The following FHIT variants were observed in gnomAD, a reference collection of about 807,000 sequenced individuals.
FHIT encodes fragile histidine triad diadenosine triphosphatase.
Under a neutral mutation model 17.9 loss-of-function variants are expected in FHIT, and 19 were observed. The ratio of observed to expected loss-of-function variants is 1.06; its 90% CI spans 0.74 to 1.56. The LOEUF is 1.56. FHIT is among the 40% of genes most tolerant of loss of function. The pLI, the probability that FHIT is intolerant of heterozygous loss-of-function variation, is 0.00. For synonymous variants in FHIT, 81 were observed against 69.7 expected (o/e 1.16, Z -0.81); for missense variants, 248 against 189.2 (o/e 1.31, Z -1.82).
intron 5 of FHIT, among the ~76,000 whole-genome samples, chr3:60,058,014 C>T (rs1230867418): frequency 6.6e-6 from 1 of 151,452 alleles, no homozygotes; most frequent in African/African-American, 2.4e-5. Context: ...CTGTGAGGTA[C>T]CTAGAATAGG....
chr3:61,168,428 C>G (rs2037903469), intron 2 of FHIT, among the ~76,000 whole-genome samples: 1 of 152,162 alleles, frequency 6.6e-6, no homozygotes, highest in Non-Finnish European at 1.5e-5. Context: ...ATAAAATGCA[C>G]CTGAAAGAAT....
At chr3:60,028,330 C>T (rs981191580) in intron 5 of FHIT, among the ~76,000 whole-genome samples, 1 of 152,176 alleles carries the variant, frequency 6.6e-6, no homozygotes, top group East Asian at 1.9e-4. Context: ...TTTCAGTTAC[C>T]ATGTCACATT....
In FHIT at chr3:60,481,221, G is replaced by A. The variant is rs113326535; in HGVS notation, c.103+55639C>T. ...TGATTGGAGTACCTGAAGGGGATGG[G>A]AAGAACGGAAACAAGCTGGAAAACA... is the stretch of plus-strand genomic sequence containing the variant. On this transcript the variant is annotated intron_variant, in intron 5 of 9. Coordinates refer to ENST00000492590, the MANE Select transcript of FHIT (RefSeq NM_002012.4). 2.2e-3 allele frequency among the ~76,000 whole-genome samples: 330 copies of A among 152,278 alleles called. 2 individuals are homozygous for A. Among genetic ancestry groups the A allele is most frequent in the African/African-American group, 7.6e-3 (315 of 41,566 alleles).
chr3:60,253,985 A>G (rs1256420515), intron 5 of FHIT, among the ~76,000 whole-genome samples: 1 of 152,142 alleles, frequency 6.6e-6, no homozygotes, highest in African/African-American at 2.4e-5. Flanking sequence ...TCAAACCTAC[A>G]ATTGGTTGCA....
intron 5 of FHIT, among the ~76,000 whole-genome samples, chr3:60,153,125 A>G (rs1225473057): frequency 6.6e-6 from 1 of 152,158 alleles, no homozygotes; most frequent in African/African-American, 2.4e-5. Context: ...CAATTTACCA[A>G]GCACCTTTAT....
At chr3:60,343,628 A>T (rs1710633010) in intron 5 of FHIT, among the ~76,000 whole-genome samples, 1 of 152,178 alleles carries the variant, frequency 6.6e-6, no homozygotes, top group South Asian at 2.1e-4. Context: ...AACCTAATTA[A>T]TAATGTTTCA....
chr3:61,171,628 C>T (rs2038007642), intron 2 of FHIT, among the ~76,000 whole-genome samples: 1 of 152,196 alleles, frequency 6.6e-6, no homozygotes, highest in South Asian at 2.1e-4. Context: ...AACCTCACTA[C>T]TCCCAGCCTG....
chr3:60,335,323 A>T (rs1710181383), intron 5 of FHIT, among the ~76,000 whole-genome samples: 1 of 152,238 alleles, frequency 6.6e-6, no homozygotes, highest in Non-Finnish European at 1.5e-5. Context: ...AATTTTAAGC[A>T]GTAAGTATAT....
At chr3:60,902,270 G>C (rs933816862) in intron 3 of FHIT, among the ~76,000 whole-genome samples, 2 of 152,220 alleles carry the variant, frequency 1.3e-5, no homozygotes, top group African/African-American at 4.8e-5. Flanking sequence ...AACCATTTAT[G>C]TCTGACTTCT....
intron 8 of FHIT, among the ~76,000 whole-genome samples, chr3:59,775,354 C>A (rs1702257759): frequency 6.6e-6 from 1 of 152,150 alleles, no homozygotes; most frequent in South Asian, 2.1e-4. Flanking sequence ...GCCACAGGCT[C>A]CGGCAGATGC....
At chr3:60,380,139 C>T (rs1700736599) in intron 5 of FHIT, among the ~76,000 whole-genome samples, 2 of 152,110 alleles carry the variant, frequency 1.3e-5, no homozygotes, top group African/African-American at 4.8e-5. Flanking sequence ...ATGTGATCCC[C>T]AAAGTTGGAG....
chr3:60,732,780 G>C (rs967961401), intron 4 of FHIT: 1 of 253,858 alleles, frequency 3.9e-6, no homozygotes, highest in Middle Eastern at 1.5e-3. Context: ...TCCACCTTCC[G>C]GGTTCAAGTG....
At chr3:59,917,541 A>G (rs1705190554) in intron 8 of FHIT, among the ~76,000 whole-genome samples, 1 of 152,220 alleles carries the variant, frequency 6.6e-6, no homozygotes, top group Non-Finnish European at 1.5e-5. Context: ...TGTCAAGATA[A>G]TGAAGGGCCC....
At chr3:61,014,807 A>AAAAAATT (rs1553798839) in intron 3 of FHIT, among the ~76,000 whole-genome samples, 12 of 49,118 alleles carry the variant, frequency 2.4e-4, no homozygotes, top group African/African-American at 6.5e-4. Flanking sequence ...AAAAAAAAAA[A>AAAAAATT]ATATATATAT....
At chr3:60,804,247 C>T (rs1701303435) in intron 4 of FHIT, among the ~76,000 whole-genome samples, 1 of 152,202 alleles carries the variant, frequency 6.6e-6, no homozygotes, top group Non-Finnish European at 1.5e-5. Context: ...CTGCGATCCC[C>T]CTCATGGTTA....
chr3:60,956,442 G>C (rs369677133), intron 3 of FHIT, among the ~76,000 whole-genome samples: 2 of 152,104 alleles, frequency 1.3e-5, no homozygotes, highest in African/African-American at 4.8e-5. Flanking sequence ...CTTCTTTCTG[G>C]AACCTTTACT....
intron 8 of FHIT, among the ~76,000 whole-genome samples, chr3:59,869,904 T>G (rs632140): frequency 0.55 from 83,422 of 151,930 alleles, 24,291 homozygotes; most frequent in African/African-American, 0.75. Context: ...AAATCTAGAT[T>G]ATTTGAATTC....
intron 5 of FHIT, among the ~76,000 whole-genome samples, chr3:60,134,438 T>A (rs1254155865): frequency 2.0e-5 from 3 of 152,216 alleles, no homozygotes; most frequent in African/African-American, 7.2e-5. Flanking sequence ...AATAAGCTTT[T>A]TTAAAAAGCA....
intron 5 of FHIT, among the ~76,000 whole-genome samples, chr3:60,325,370 T>A (rs1212361079): frequency 6.6e-6 from 1 of 152,188 alleles, no homozygotes; most frequent in Non-Finnish European, 1.5e-5. Context: ...AGTATGAGTA[T>A]TAGAGTTTGA....
Sources: allele counts gnomAD v4.1 joint callset (sites outside exome capture counted in the v4.1 genomes callset), GRCh38; gene constraint gnomAD v4.1.1; transcripts MANE v1.5; gene names NCBI Gene and HGNC (gene_info 2026-07-23, HGNC 2026-07-21).